Variants in SLC4A4 observed in about 807,000 individuals in gnomAD.
SLC4A4 encodes the protein electrogenic sodium bicarbonate cotransporter 1.
In SLC4A4, 27 loss-of-function variants were observed where a neutral mutation model predicts 111.5. The ratio of observed to expected loss-of-function variants is 0.24; its 90% CI spans 0.18 to 0.33. SLC4A4 has a LOEUF of 0.33. Among genes scored for constraint, SLC4A4 ranks in the 10% least tolerant of loss-of-function variants. The pLI is 1.00. For synonymous variants in SLC4A4, 443 were observed against 463.4 expected (o/e 0.96, Z 0.57); for missense variants, 909 against 1,315.5 (o/e 0.69, Z 4.78).
intron 3 of SLC4A4, among the ~76,000 whole-genome samples, chr4:71,271,887 A>T (rs908438359): frequency 6.6e-6 from 1 of 152,236 alleles, no homozygotes; most frequent in African/African-American, 2.4e-5. Flanking sequence ...TGAACATTTA[A>T]TGATCACAAC....
At chr4:71,129,769 T>C (rs1206195920) in intron 2 of SLC4A4, among the ~76,000 whole-genome samples, 4 of 113,152 alleles carry the variant, frequency 3.5e-5, no homozygotes, top group East Asian at 2.4e-4. Flanking sequence ...ATATACATCA[T>C]GGAATACCAT....
At chr4:71,509,754 T>C (rs985775230) in intron 16 of SLC4A4, among the ~76,000 whole-genome samples, 1 of 152,200 alleles carries the variant, frequency 6.6e-6, no homozygotes, top group East Asian at 1.9e-4. Context: ...TCAGTGACTT[T>C]CCTGCTTTGC....
intron 5 of SLC4A4, 89 bp downstream of exon 5, chr4:71,350,161 A>G: frequency 7.7e-7 from 1 of 1,290,556 alleles, no homozygotes; most frequent in Non-Finnish European, 1.1e-6. Context: ...TACTGTAAGC[A>G]GAGTTAAATG....
chr4:71,279,788 AT>A (rs1370341175), intron 3 of SLC4A4, among the ~76,000 whole-genome samples: 4 of 150,996 alleles, frequency 2.6e-5, no homozygotes, highest in South Asian at 4.2e-4. Flanking sequence ...AGTGCTTGTT[AT>A]TTTTTTTTAT....
chr4:71,242,028 G>C (rs1720281781), intron 2 of SLC4A4, among the ~76,000 whole-genome samples: 1 of 152,162 alleles, frequency 6.6e-6, no homozygotes, highest in Non-Finnish European at 1.5e-5. Context: ...TCACTTCAAG[G>C]AAGGCTGATG....
chr4:71,348,859 C>T (rs1729566534), intron 4 of SLC4A4, among the ~76,000 whole-genome samples: 1 of 152,080 alleles, frequency 6.6e-6, no homozygotes, highest in African/African-American at 2.4e-5. Flanking sequence ...GTTAGGTGAG[C>T]GTTTAGCTTT....
chr4:71,546,268 C>A, intron 18 of SLC4A4, 82 bp from the exon 19 acceptor site: 1 of 1,228,554 alleles, frequency 8.1e-7, no homozygotes, highest in South Asian at 1.2e-5. Context: ...TTCCTTTGGT[C>A]ATCTTAATTC....
intron 16 of SLC4A4, among the ~76,000 whole-genome samples, chr4:71,514,446 T>C (rs1002669443): frequency 6.6e-6 from 1 of 152,234 alleles, no homozygotes; most frequent in Non-Finnish European, 1.5e-5. Flanking sequence ...TGCAGAACTG[T>C]GAGCCAATTA....
At chr4:71,135,756 A>G (rs1442711535) in intron 2 of SLC4A4, among the ~76,000 whole-genome samples, 1 of 151,472 alleles carries the variant, frequency 6.6e-6, no homozygotes, top group African/African-American at 2.4e-5. Flanking sequence ...CCTGACAACC[A>G]CCATTCTACT....
At chr4:71,184,204 G>C (rs1443699832), upstream of SLC4A4, among the ~76,000 whole-genome samples, 2 of 152,048 alleles carry the variant, frequency 1.3e-5, no homozygotes, top group Non-Finnish European at 2.9e-5. Flanking sequence ...AGGTCACATC[G>C]GCACCTTACT....
intron 2 of SLC4A4, among the ~76,000 whole-genome samples, chr4:71,174,776 T>G (rs1193941022): frequency 1.3e-5 from 2 of 152,216 alleles, no homozygotes; most frequent in African/African-American, 4.8e-5. Flanking sequence ...AGGGTCTTGT[T>G]GTTTTGCCCA....
intron 5 of SLC4A4, among the ~76,000 whole-genome samples, chr4:71,355,298 T>G (rs554330590): frequency 6.6e-6 from 1 of 152,324 alleles, no homozygotes; most frequent in South Asian, 2.1e-4. Context: ...ATGGTGGGAC[T>G]GTTTGTTTGT....
intron 2 of SLC4A4, among the ~76,000 whole-genome samples, chr4:71,180,336 C>T (rs555252048): frequency 1.1e-3 from 172 of 152,202 alleles, no homozygotes; most frequent in Admixed American, 1.8e-3. Flanking sequence ...GCAACAAAAG[C>T]CAAAATTGAC....
chr4:71,261,644 G>A (rs1004189287), intron 3 of SLC4A4, among the ~76,000 whole-genome samples: 1 of 152,210 alleles, frequency 6.6e-6, no homozygotes, highest in East Asian at 1.9e-4. Flanking sequence ...AACTGCATAA[G>A]TCTCTTAGAG....
At chr4:71,528,749 T>C (rs888184397) in intron 16 of SLC4A4, among the ~76,000 whole-genome samples, 2 of 151,962 alleles carry the variant, frequency 1.3e-5, no homozygotes, top group Admixed American at 1.3e-4. Flanking sequence ...TTCAGCATAA[T>C]ACTATGGAGT....
chr4:71,557,599 G>T, intron 21 of SLC4A4, 113 bp from the exon 22 acceptor site: 1 of 1,069,454 alleles, frequency 9.4e-7, no homozygotes, highest in Non-Finnish European at 1.4e-6. Flanking sequence ...TTTGTCCTCT[G>T]AAAAGGACAC....
At chr4:71,531,964 A>C (rs1404706751) in intron 16 of SLC4A4, 98 bp from the exon 17 acceptor site, 5 of 744,750 alleles carry the variant, frequency 6.7e-6, no homozygotes, top group Non-Finnish European at 1.2e-5. Flanking sequence ...TGTTGCTATA[A>C]ACTATTAGCA....
rs368652489 is a variant in SLC4A4, at chr4:71,274,785, G to A, written c.253+19386G>A. On this transcript the variant is annotated intron_variant, in intron 3 of 25. Coordinates refer to ENST00000264485, the MANE Select transcript of SLC4A4 (RefSeq NM_001098484.3). ...TACTGAGCAGTGGAATGAAGAGTCA[G>A]TGTGGATAATCTCTACATTTCCTAC... Among the ~76,000 whole-genome samples the A allele has an allele frequency of 2.5e-3, 384 of 152,254 alleles. 3 individuals carry two copies. The highest frequency in any genetic ancestry group is 0.012 in the South Asian group (56 of 4,826).
intron 1 of SLC4A4, among the ~76,000 whole-genome samples, chr4:71,085,034 G>T (rs961291605): frequency 6.6e-6 from 1 of 152,030 alleles, no homozygotes; most frequent in African/African-American, 2.4e-5. Flanking sequence ...GTGTAAAAGT[G>T]TTCCCATTTC....
Sources: gnomAD v4.1 joint callset for allele counts (sites outside exome capture counted in the v4.1 genomes callset) on GRCh38, gnomAD v4.1.1 for gene constraint, MANE v1.5 for transcripts, NCBI Gene and HGNC (gene_info 2026-07-23, HGNC 2026-07-21) for gene names.